NSD3: variants seen among roughly 807,000 people sequenced by gnomAD.
The protein encoded by NSD3 is nuclear receptor binding SET domain protein 3.
NSD3 carries 24 observed loss-of-function variants against 160.8 expected under a neutral mutation model. The observed-to-expected ratio is 0.15, with a 90% CI of 0.11 to 0.21. NSD3 has a LOEUF of 0.21. Ranked by LOEUF, NSD3 falls within the 10% of genes least tolerant of loss-of-function variation. The probability of loss-of-function intolerance (pLI) is 1.00; values close to 1 mark genes in which losing one functional copy is unlikely to be tolerated. For missense variants in NSD3, 1,157 were observed against 1,735.9 expected (o/e 0.67, Z 5.93); for synonymous variants, 520 against 600.0 (o/e 0.87, Z 1.95).
At chr8:38,325,848 C>T (rs1012287899) in intron 7 of NSD3, among the ~76,000 whole-genome samples, 4 of 147,964 alleles carry the variant, frequency 2.7e-5, no homozygotes, top group African/African-American at 7.5e-5. Flanking sequence ...CAGAGTGAGA[C>T]CCCGTCTCAA....
intron 12 of NSD3, among the ~76,000 whole-genome samples, chr8:38,312,972 T>C (rs1809569485): frequency 2.0e-5 from 3 of 152,176 alleles, no homozygotes; most frequent in Admixed American, 6.5e-5. Context: ...TAATGGGGAA[T>C]GTGAGGAGCC....
At chr8:38,376,438 T>A (rs1483535157) in intron 1 of NSD3, among the ~76,000 whole-genome samples, 2 of 151,722 alleles carry the variant, frequency 1.3e-5, no homozygotes, top group Admixed American at 6.6e-5. Context: ...ATTCTTTCTT[T>A]CTTTTTTTTT....
rs539507603 is a variant in NSD3, at chr8:38,317,820, G to C, written c.1855+1075C>G. 6 of 1,473,278 alleles carry C rather than the reference G, an allele frequency of 4.1e-6. No individual in the cohort carries two copies. In the African/African-American group the frequency reaches 8.5e-5, roughly 21 times the overall value. The allele number at this position is 1,473,278 out of a possible 1,614,324, so 91.3% of individuals were successfully genotyped here. ...GTTCAGAGTCTTGAAGAAGAAACCA[G>C]GCAGGAAAATGCCAATAATGATGAT... On this transcript the variant is annotated intron_variant, in intron 9 of 23. Coordinates refer to ENST00000317025, the MANE Select transcript of NSD3 (RefSeq NM_023034.2). This position sits in a 1 kb window ranked among gnomAD's most constrained non-coding sequence, Gnocchi z 5.3.
At chr8:38,369,274 C>T (rs2150394319) in intron 1 of NSD3, among the ~76,000 whole-genome samples, 1 of 152,222 alleles carries the variant, frequency 6.6e-6, no homozygotes, top group African/African-American at 2.4e-5. Context: ...TTTCACATCA[C>T]CTGTTTGTTT....
At chr8:38,340,249 C>T (rs1585902058) in intron 2 of NSD3, among the ~76,000 whole-genome samples, 1 of 152,238 alleles carries the variant, frequency 6.6e-6, no homozygotes, top group East Asian at 1.9e-4. Flanking sequence ...ATTCTAAAAG[C>T]TACTTAAAAT....
At chr8:38,307,458 T>C (rs575800450) in intron 12 of NSD3, among the ~76,000 whole-genome samples, 1 of 152,322 alleles carries the variant, frequency 6.6e-6, no homozygotes, top group South Asian at 2.1e-4. Flanking sequence ...AGAAATTCAA[T>C]TTCTCAATAA....
At chr8:38,363,677 C>T (rs1008400536) in intron 1 of NSD3, among the ~76,000 whole-genome samples, 2 of 148,970 alleles carry the variant, frequency 1.3e-5, no homozygotes, top group Non-Finnish European at 3.0e-5. Context: ...AAGGAAACAG[C>T]TAGATAAATC....
chr8:38,336,588 A>G (rs1361365461), intron 4 of NSD3, among the ~76,000 whole-genome samples: 2 of 152,220 alleles, frequency 1.3e-5, no homozygotes, highest in Non-Finnish European at 2.9e-5. Context: ...TATCCATAGC[A>G]GTCAACGATG....
At position 38,321,211 on chromosome 8, in the gene NSD3, A is replaced by T; in HGVS notation, c.1709-39T>A. 1 of 1,545,410 alleles carries T rather than the reference A, an allele frequency of 6.5e-7. No homozygotes were observed. The highest frequency in any genetic ancestry group is 8.8e-7 in the Non-Finnish European group (1 of 1,130,098). On this transcript the variant is annotated intron_variant, in intron 7 of 23. Coordinates refer to ENST00000317025, the MANE Select transcript of NSD3 (RefSeq NM_023034.2). This position sits in a 1 kb window ranked among gnomAD's most constrained non-coding sequence, Gnocchi z 4.7. The stretch of plus-strand genomic sequence containing the variant: ...TAAACACACAAACAAAAACTCACTT[A>T]AGGATACCTTGACATCTATGTAATT...
intron 17 of NSD3, among the ~76,000 whole-genome samples, chr8:38,289,890 T>C (rs1030163034): frequency 6.6e-6 from 1 of 152,226 alleles, no homozygotes; most frequent in Admixed American, 6.5e-5. Flanking sequence ...TTTACTACTC[T>C]TCTGTTGCAA....
At chr8:38,348,719 T>C (rs1810594616) in intron 1 of NSD3, among the ~76,000 whole-genome samples, 1 of 152,124 alleles carries the variant, frequency 6.6e-6, no homozygotes. Flanking sequence ...TTGAATGTAG[T>C]GGTACAATCA....
chr8:38,295,388 T>C (rs530939259), intron 16 of NSD3, among the ~76,000 whole-genome samples: 43 of 151,810 alleles, frequency 2.8e-4, no homozygotes, highest in African/African-American at 7.3e-4. Flanking sequence ...TGGCGAAACA[T>C]TGTCTCTACT....
intron 1 of NSD3, among the ~76,000 whole-genome samples, chr8:38,361,725 A>C (rs1433142667): frequency 7.0e-6 from 1 of 142,238 alleles, no homozygotes; most frequent in Non-Finnish European, 1.5e-5. Context: ...ACTGCGCTCC[A>C]GCCTGGGCTA....
At chr8:38,339,732 A>G (rs1235175715) in intron 2 of NSD3, among the ~76,000 whole-genome samples, 1 of 151,896 alleles carries the variant, frequency 6.6e-6, no homozygotes, top group Non-Finnish European at 1.5e-5. Flanking sequence ...CTCAAAAAAA[A>G]AAAAAAGGAA....
chr8:38,277,521 C>T (rs1808630068), intron 22 of NSD3, among the ~76,000 whole-genome samples: 1 of 151,972 alleles, frequency 6.6e-6, no homozygotes, highest in Non-Finnish European at 1.5e-5. Context: ...TTGTGATCCA[C>T]CGGCCTCAGC....
intron 1 of NSD3, among the ~76,000 whole-genome samples, chr8:38,366,415 A>ATTTTTTTTT (rs1399938867): frequency 1.0e-4 from 12 of 118,780 alleles, no homozygotes; most frequent in African/African-American, 3.6e-4. Context: ...CATCTACTTA[A>ATTTTTTTTT]TTCTTTTTTT....
intron 16 of NSD3, chr8:38,290,893 T>TAAAAAAAAAA: frequency 2.3e-6 from 1 of 434,868 alleles, no homozygotes; most frequent in East Asian, 3.7e-5. Flanking sequence ...TACTTTCTTT[T>TAAAAAAAAAA]AAAAAATATT....
At position 38,331,469 on chromosome 8, in the gene NSD3, C is replaced by T. The variant is rs760950336; in HGVS notation, c.1027G>A (p.Ala343Thr). The part of the protein sequence containing the change: ...HKQYEELLAE[A>T]TKQASNHSEK... ...GAGTGATTGCTGGCTTGTTTGGTTGCCTCAGCCAGTAATTCTTCATACTGT... is the reference window on the plus strand; with the variant it reads ...GAGTGATTGCTGGCTTGTTTGGTTGTCTCAGCCAGTAATTCTTCATACTGT... Residue 343 changes from alanine (A) to threonine (T), a missense_variant, in exon 5 of 24, where the codon GCA becomes ACA. By Grantham distance (58) the Ala-to-Thr change is moderately conservative. Transcript: ENST00000317025. 4 of 1,606,930 alleles carry T rather than the reference C, an allele frequency of 2.5e-6. No homozygotes were observed. Among genetic ancestry groups the T allele is most frequent in the South Asian group, 2.2e-5 (2 of 89,258 alleles).
intron 1 of NSD3, among the ~76,000 whole-genome samples, chr8:38,373,049 CAAA>C (rs11308161): frequency 8.4e-5 from 9 of 107,140 alleles, no homozygotes; most frequent in Admixed American, 1.0e-4. Context: ...AGACTCCTCT[CAAA>C]AAAAAAAAAA....
Sources: allele counts gnomAD v4.1 joint callset (sites outside exome capture counted in the v4.1 genomes callset), GRCh38; gene constraint gnomAD v4.1.1; non-coding constraint Gnocchi (gnomAD v3.1); transcripts MANE v1.5; gene names NCBI Gene and HGNC (gene_info 2026-07-23, HGNC 2026-07-21).